The following MAP3K20 variants were observed in gnomAD, a reference collection of about 807,000 sequenced individuals.
MAP3K20 encodes HCCS-4.
In MAP3K20, 40 loss-of-function variants were observed where a neutral mutation model predicts 85.7. That is an observed-to-expected ratio of 0.47 (90% confidence interval 0.36 to 0.61). The LOEUF (loss-of-function observed/expected upper bound fraction) is 0.61. Among genes scored for constraint, MAP3K20 ranks in the 20% least tolerant of loss-of-function variants. The pLI, the probability that MAP3K20 is intolerant of heterozygous loss-of-function variation, is 0.00. For synonymous variants in MAP3K20, 325 were observed against 327.7 expected, an observed-to-expected ratio of 0.99 and a Z score of 0.09; for missense variants, 817 against 961.7, an observed-to-expected ratio of 0.85 and a Z score of 1.99.
chr2:173,100,901 C>T (rs1190125137), intron 2 of MAP3K20, among the ~76,000 whole-genome samples: 1 of 152,152 alleles, frequency 6.6e-6, no homozygotes, highest in South Asian at 2.1e-4. Context: ...GTTGAATAGC[C>T]ATCCATCACT....
chr2:173,235,079 G>A (rs1684617411), intron 14 of MAP3K20, among the ~76,000 whole-genome samples: 1 of 152,202 alleles, frequency 6.6e-6, no homozygotes, highest in South Asian at 2.1e-4. Context: ...GGACTGGCTG[G>A]GGCCGCTGTC....
intron 2 of MAP3K20, among the ~76,000 whole-genome samples, chr2:173,113,987 A>G (rs558689535): frequency 8.5e-4 from 129 of 152,030 alleles, no homozygotes; most frequent in Non-Finnish European, 1.2e-3. Flanking sequence ...TCGGTGGAGT[A>G]TTGAAGTCCC....
chr2:173,108,558 T>A (rs1353496131), intron 2 of MAP3K20, among the ~76,000 whole-genome samples: 1 of 152,226 alleles, frequency 6.6e-6, no homozygotes, highest in Non-Finnish European at 1.5e-5. Flanking sequence ...CATCATAGAA[T>A]AATTTGGAGG....
At chr2:173,183,351 A>T (rs1227199861) in intron 4 of MAP3K20, among the ~76,000 whole-genome samples, 1 of 152,172 alleles carries the variant, frequency 6.6e-6, no homozygotes, top group African/African-American at 2.4e-5. Context: ...GATTAGTTCT[A>T]CTCATTTTGT....
intron 1 of MAP3K20, among the ~76,000 whole-genome samples, chr2:173,080,124 A>C (rs540009695): frequency 9.8e-5 from 15 of 152,332 alleles, no homozygotes; most frequent in African/African-American, 3.1e-4. Flanking sequence ...GCCATCACTC[A>C]GCAATAGGAA....
At chr2:173,238,974 C>T (rs1684717817) in intron 15 of MAP3K20, among the ~76,000 whole-genome samples, 1 of 152,182 alleles carries the variant, frequency 6.6e-6, no homozygotes, top group South Asian at 2.1e-4. Context: ...CTCAAAGACT[C>T]GTTTTGTTCC....
chr2:173,076,008 G>A lies in MAP3K20; in HGVS notation c.-35+6G>A. ...ACGCCCCGCCCGGGAGCCAGGTAGG[G>A]GTCAGGCTGGAGCCCGCGGAGGGCG... is the stretch of plus-strand genomic sequence containing the variant. On this transcript the variant is annotated splice_donor_region_variant and intron_variant, in intron 1 of 19. Transcript: ENST00000375213. The A allele has an allele frequency of 1.0e-6, 1 of 984,708 alleles. No individual in the cohort carries two copies. The highest frequency in any genetic ancestry group is 1.2e-6 in the Non-Finnish European group (1 of 829,614). The allele number at this position is 984,708 out of a possible 1,614,324, so 61.0% of individuals were successfully genotyped here.
intron 14 of MAP3K20, 69 bp downstream of exon 14, chr2:173,232,528 G>C (rs1684546763): frequency 6.3e-7 from 1 of 1,585,588 alleles, no homozygotes; most frequent in Non-Finnish European, 8.6e-7. Context: ...TTTTGAGGCA[G>C]AGTCTTGCTC....
chr2:173,223,269 T>G (rs1684300149), intron 11 of MAP3K20: 1 of 982,284 alleles, frequency 1.0e-6, no homozygotes, highest in Non-Finnish European at 1.2e-6. Flanking sequence ...AATCCTGGGC[T>G]CAGTTGCTTG....
At chr2:173,261,252 T>C in intron 18 of MAP3K20, 115 bp downstream of exon 18, 1 of 1,092,818 alleles carries the variant, frequency 9.2e-7, no homozygotes, top group Non-Finnish European at 1.3e-6. Flanking sequence ...ATATAATTTA[T>C]TGGGAGTAAA....
chr2:173,238,224 G>A, intron 14 of MAP3K20, 149 bp from the exon 15 acceptor site: 1 of 698,068 alleles, frequency 1.4e-6, no homozygotes, highest in East Asian at 2.8e-5. Context: ...TGGACAATGA[G>A]ATTTATTCTA....
Position 173,182,900 on chromosome 2 carries a change from A to C in MAP3K20, c.294A>C (p.Arg98Ser). ...GSLYDYINSN[R>S]SEEMDMDHIM... ...TCTATGATTACATTAACAGTAACAG[A>C]AGTGAGGAGATGGATATGGATCACA... Residue 98 changes from arginine (R) to serine (S), a missense_variant, in exon 4 of 20, where the codon AGA (arginine) becomes AGC (serine). Around this residue, in one of 4 missense-constraint regions of MAP3K20, gnomAD observed 200 missense variants for 302.7 expected, o/e 0.66. Coordinates refer to ENST00000375213, the MANE Select transcript of MAP3K20 (RefSeq NM_016653.3). 6.2e-7 allele frequency: 1 copy of C among 1,610,506 alleles called. No individual in the cohort carries two copies. The highest frequency in any genetic ancestry group is 1.1e-5 in the South Asian group (1 of 89,896).
At position 173,266,758 on chromosome 2, in the gene MAP3K20, A is replaced by G; in HGVS notation, c.*8A>G. ...GGATGGAGAAACTTTTGATGAATTG[A>G]ACTACATAGCTTTTCTAAGCAGGTT... On this transcript the variant is annotated 3_prime_UTR_variant, in exon 20 of 20. Coordinates refer to ENST00000375213, the MANE Select transcript of MAP3K20 (RefSeq NM_016653.3). 6.9e-7 allele frequency: 1 copy of G among 1,447,502 alleles called. No individual in the cohort carries two copies. The highest frequency in any genetic ancestry group is 2.5e-5 in the East Asian group (1 of 40,780). 89.7% of individuals were successfully genotyped at this position (1,447,502 alleles called of 1,614,324 possible).
intron 10 of MAP3K20, chr2:173,210,235 C>G (rs188749243): frequency 1.1e-5 from 2 of 189,676 alleles, no homozygotes; most frequent in Non-Finnish European, 2.2e-5. Flanking sequence ...TGCCTGTAAT[C>G]CCAGCTACTC....
At chr2:173,115,814 G>C (rs749916563) in intron 2 of MAP3K20, among the ~76,000 whole-genome samples, 2 of 152,076 alleles carry the variant, frequency 1.3e-5, no homozygotes, top group Non-Finnish European at 2.9e-5. Context: ...TCTGGTGGAG[G>C]TGGCGGGGGA....
intron 2 of MAP3K20, among the ~76,000 whole-genome samples, chr2:173,127,319 T>C (rs922779735): frequency 3.3e-5 from 5 of 152,206 alleles, no homozygotes; most frequent in Non-Finnish European, 4.4e-5. Context: ...TGCCCTTCTC[T>C]TAAGACTTAC....
intron 11 of MAP3K20, chr2:173,224,201 G>A (rs548615483): frequency 6.7e-5 from 64 of 962,058 alleles, no homozygotes; most frequent in Non-Finnish European, 7.3e-5. Flanking sequence ...AGTGTGGTCA[G>A]GAAAGGCCCC....
intron 2 of MAP3K20, among the ~76,000 whole-genome samples, chr2:173,152,444 G>GT (rs1251112792): frequency 6.6e-6 from 1 of 152,110 alleles, no homozygotes; most frequent in African/African-American, 2.4e-5. Flanking sequence ...TCTCCCCTAG[G>GT]TTCTAAGCTT....
chr2:173,167,410 C>T (rs1433822365), intron 2 of MAP3K20, among the ~76,000 whole-genome samples: 1 of 152,136 alleles, frequency 6.6e-6, no homozygotes, highest in Non-Finnish European at 1.5e-5. Flanking sequence ...TTATTACAAA[C>T]ATATCACTTA....
Sources: allele counts gnomAD v4.1 joint callset (sites outside exome capture counted in the v4.1 genomes callset), GRCh38; gene constraint gnomAD v4.1.1; regional missense constraint gnomAD v4.1.1; transcripts MANE v1.5; gene names NCBI Gene and HGNC (gene_info 2026-07-23, HGNC 2026-07-21).